The following ZBTB7C variants were observed in gnomAD, a reference collection of about 807,000 sequenced individuals.
ZBTB7C encodes zinc finger and BTB domain-containing protein 7C.
A neutral mutation model predicts 25.7 loss-of-function variants in ZBTB7C; 8 were observed. The observed-to-expected ratio is 0.31, with a 90% CI of 0.18 to 0.56. The LOEUF is 0.56. Among genes scored for constraint, ZBTB7C ranks in the 20% least tolerant of loss-of-function variants. The pLI is 0.91. For missense variants in ZBTB7C, 824 were observed against 855.2 expected, an observed-to-expected ratio of 0.96 and a Z score of 0.46; for synonymous variants, 394 against 369.0, an observed-to-expected ratio of 1.07 and a Z score of -0.78.
intron 4 of ZBTB7C, among the ~76,000 whole-genome samples, chr18:48,039,326 C>A (rs1470188268): frequency 1.3e-5 from 2 of 152,218 alleles, no homozygotes; most frequent in Middle Eastern, 3.2e-3. Flanking sequence ...ATTCCAGTCT[C>A]AGCTCTGCCA....
At chr18:48,118,403 G>T (rs1413956517) in intron 3 of ZBTB7C, among the ~76,000 whole-genome samples, 1 of 152,120 alleles carries the variant, frequency 6.6e-6, no homozygotes, top group African/African-American at 2.4e-5. Flanking sequence ...CCACTGAGAT[G>T]CATGCCTTTC....
chr18:48,057,671 T>G (rs745366205), intron 3 of ZBTB7C, among the ~76,000 whole-genome samples: 1 of 152,254 alleles, frequency 6.6e-6, no homozygotes, highest in Non-Finnish European at 1.5e-5. Context: ...ATCTATATTT[T>G]CGTCCTTCTT....
chr18:48,056,688 A>G lies in ZBTB7C; in HGVS notation c.-16-15565T>C, dbSNP rs73953671. Among the ~76,000 whole-genome samples, 203 of 152,272 alleles carry G rather than the reference A, an allele frequency of 1.3e-3. 1 individual carries two copies. The highest frequency in any genetic ancestry group is 4.7e-3 in the African/African-American group (195 of 41,560). ...GAACAACTAGGCAACCATGTAGGAG[A>G]CAAAACAAAACAAAATAAAACTTGT... On this transcript the variant is annotated intron_variant, in intron 3 of 4. Transcript: ENST00000590800.
intron 1 of ZBTB7C, among the ~76,000 whole-genome samples, chr18:48,367,969 GAA>G (rs111445387): frequency 1.5e-5 from 2 of 137,272 alleles, no homozygotes; most frequent in Non-Finnish European, 1.6e-5. Context: ...CACTGGAGGA[GAA>G]AAAAAAAAAA....
intron 1 of ZBTB7C, among the ~76,000 whole-genome samples, chr18:48,345,105 G>A (rs1231556618): frequency 3.9e-5 from 6 of 152,166 alleles, no homozygotes; most frequent in Non-Finnish European, 7.3e-5. Context: ...TCTAAGCCAA[G>A]GGTCCAGCGC....
chr18:48,289,582 TG>T (rs149540110), intron 2 of ZBTB7C, among the ~76,000 whole-genome samples: 7,964 of 120,142 alleles, frequency 0.066, 246 homozygotes, highest in Non-Finnish European at 0.087. Context: ...ATATTTATTA[TG>T]TATTGAATGA....
intron 3 of ZBTB7C, among the ~76,000 whole-genome samples, chr18:48,135,981 CA>C (rs2040141932): frequency 6.6e-6 from 1 of 152,240 alleles, no homozygotes; most frequent in Non-Finnish European, 1.5e-5. Context: ...CAGACACAGC[CA>C]GGACAACGGA....
chr18:48,323,061 G>T (rs2046135496), intron 2 of ZBTB7C, among the ~76,000 whole-genome samples: 1 of 152,072 alleles, frequency 6.6e-6, no homozygotes, highest in Non-Finnish European at 1.5e-5. Flanking sequence ...GGGTGGGAGG[G>T]GTGACAGATA....
At chr18:48,364,791 A>G (rs1423473341) in intron 1 of ZBTB7C, among the ~76,000 whole-genome samples, 1 of 152,160 alleles carries the variant, frequency 6.6e-6, no homozygotes, top group Non-Finnish European at 1.5e-5. Flanking sequence ...TACACCTTTT[A>G]CCTTTTGTGC....
chr18:48,245,100 A>G (rs1420492995), intron 2 of ZBTB7C, among the ~76,000 whole-genome samples: 2 of 145,930 alleles, frequency 1.4e-5, no homozygotes, highest in African/African-American at 5.1e-5. Flanking sequence ...GTGTATATAT[A>G]TATACACACA....
chr18:48,241,745 C>T (rs1001605409), intron 2 of ZBTB7C, among the ~76,000 whole-genome samples: 2 of 152,016 alleles, frequency 1.3e-5, no homozygotes, highest in Non-Finnish European at 2.9e-5. Flanking sequence ...ATGCCTACGT[C>T]AAAAAGTCTG....
chr18:48,281,400 G>A (rs2044844281), intron 2 of ZBTB7C, among the ~76,000 whole-genome samples: 1 of 152,096 alleles, frequency 6.6e-6, no homozygotes, highest in Non-Finnish European at 1.5e-5. Flanking sequence ...ATAGGCATGG[G>A]CAAGGACTTC....
At chr18:48,389,278 T>TGTGTGTGTGTG (rs2047838783) in intron 1 of ZBTB7C, among the ~76,000 whole-genome samples, 2 of 119,912 alleles carry the variant, frequency 1.7e-5, no homozygotes, top group African/African-American at 6.3e-5. Context: ...TGTGTGTGTG[T>TGTGTGTGTGTG]TGGGCCTTGT....
chr18:48,311,209 G>T (rs2045810030), intron 2 of ZBTB7C, among the ~76,000 whole-genome samples: 1 of 152,120 alleles, frequency 6.6e-6, no homozygotes, highest in African/African-American at 2.4e-5. Flanking sequence ...CTGTTCTCTT[G>T]TCTTTCTCAC....
At position 48,086,584 on chromosome 18, in the gene ZBTB7C, G is replaced by A. The variant is rs1011623947; in HGVS notation, c.-16-45461C>T. Among the ~76,000 whole-genome samples, 7 of 152,234 alleles carry A rather than the reference G, an allele frequency of 4.6e-5. 1 individual carries two copies. In the South Asian group the frequency reaches 6.2e-4, roughly 14 times the overall value. Reference sequence around the variant, plus strand: ...AGAGTCCTGTCTCATCCACCACAATGGAACCCACACTTCAGGGTTCTCAGT... The same window carrying A: ...AGAGTCCTGTCTCATCCACCACAATAGAACCCACACTTCAGGGTTCTCAGT... On this transcript the variant is annotated intron_variant, in intron 3 of 4. Coordinates refer to ENST00000590800, the MANE Select transcript of ZBTB7C (RefSeq NM_001318841.2).
chr18:48,389,236 C>CTCGCGTGT (rs2047833632), intron 1 of ZBTB7C, among the ~76,000 whole-genome samples: 1 of 62,368 alleles, frequency 1.6e-5, no homozygotes. Context: ...CTCTCTCTCT[C>CTCGCGTGT]GTGTGTGTGT....
intron 3 of ZBTB7C, among the ~76,000 whole-genome samples, chr18:48,135,950 C>A (rs1215141247): frequency 6.6e-6 from 1 of 152,248 alleles, no homozygotes. Flanking sequence ...CAGCCGCCCG[C>A]TGCCCACCCG....
chr18:48,197,293 A>T (rs751551707), intron 2 of ZBTB7C, among the ~76,000 whole-genome samples: 8 of 152,152 alleles, frequency 5.3e-5, no homozygotes, highest in Non-Finnish European at 8.8e-5. Context: ...TACCTAAGTC[A>T]ATAAATTACT....
At chr18:48,153,747 A>G (rs1265367462) in intron 3 of ZBTB7C, among the ~76,000 whole-genome samples, 1 of 152,226 alleles carries the variant, frequency 6.6e-6, no homozygotes, top group African/African-American at 2.4e-5. Flanking sequence ...GTATGACTAT[A>G]TCTTTTTGGA....
Sources: gnomAD v4.1 joint callset for allele counts (sites outside exome capture counted in the v4.1 genomes callset) on GRCh38, gnomAD v4.1.1 for gene constraint, MANE v1.5 for transcripts, NCBI Gene and HGNC (gene_info 2026-07-23, HGNC 2026-07-21) for gene names.